The following ABCG5 variants were observed in gnomAD, a reference collection of about 807,000 sequenced individuals.
The protein encoded by ABCG5 is ATP-binding cassette sub-family G member 5.
In ABCG5, 64 loss-of-function variants were observed where a neutral mutation model predicts 64.5. The ratio of observed to expected loss-of-function variants is 0.99; its 90% CI spans 0.81 to 1.22. The LOEUF (loss-of-function observed/expected upper bound fraction) is 1.22, where lower values mean the gene tolerates loss of function less well. Ranked by LOEUF, ABCG5 falls within the 50% of genes most tolerant of loss-of-function variation. ABCG5 has a pLI of 0.00. For synonymous variants in ABCG5, 385 were observed against 326.3 expected (o/e 1.18, Z -1.94); for missense variants, 908 against 829.5 (o/e 1.09, Z -1.16).
chr2:43,811,392 C>G (rs796866027), downstream of ABCG5, among the ~76,000 whole-genome samples: 55 of 152,150 alleles, frequency 3.6e-4, no homozygotes, highest in African/African-American at 1.3e-3. Flanking sequence ...ATGAAATGAT[C>G]TTTCCTATTT....
At chr2:43,835,937 T>A (rs1041740637) in intron 2 of ABCG5, among the ~76,000 whole-genome samples, 5 of 150,972 alleles carry the variant, frequency 3.3e-5, no homozygotes, top group African/African-American at 4.9e-5. Context: ...GTCTGGGAAT[T>A]CCTCTTCTTT....
chr2:43,814,729 A>G (rs540912495), intron 11 of ABCG5, 140 bp from the exon 12 acceptor site: 1 of 592,146 alleles, frequency 1.7e-6, no homozygotes, highest in East Asian at 2.9e-5. Flanking sequence ...CTCACTATAA[A>G]AAAACCTTCA....
At position 43,823,029 on chromosome 2, in the gene ABCG5, G is replaced by T. The variant is rs1667339789; in HGVS notation, c.1325-94C>A. On this transcript the variant is annotated intron_variant, in intron 9 of 12. Transcript: ENST00000405322. ...GCTGAATGTGAGGTCTGTCAGGGCT[G>T]GATGGTGAGGACCAGCTAGGGGGGT... 5 of 1,538,630 alleles carry T rather than the reference G, an allele frequency of 3.2e-6. No individual in the cohort carries two copies. In the Admixed American group the frequency reaches 9.6e-5, roughly 29 times the overall value.
In ABCG5 at chr2:43,838,552, G is replaced by A. The variant is rs1181566629; in HGVS notation, c.128C>T (p.Ala43Val). ...TCTGCCTTACCTGACGCTGTAGGAG[G>A]CATGGAGGATGCCCAGGCTGTGAGG... The part of the protein sequence containing the change: ...PEPHSLGILH[A>V]SYSVSHRVRP... Residue 43 changes from alanine (A) to valine (V), a missense_variant, in exon 1 of 13, where the codon GCC becomes GTC. By Grantham distance (64) the Ala-to-Val change is moderately conservative. Transcript: ENST00000405322. The surrounding 1 kb of genome is among the most constrained non-coding windows in gnomAD (Gnocchi z 4.2). 5.6e-6 allele frequency: 9 copies of A among 1,606,258 alleles called. No homozygotes were observed. In the East Asian group the frequency reaches 1.6e-4, roughly 28 times the overall value.
At position 43,831,847 on chromosome 2, in the gene ABCG5, G is replaced by T; in HGVS notation, c.423C>A (p.Ser141Arg). 2 of 1,583,808 alleles carry T rather than the reference G, an allele frequency of 1.3e-6. No individual in the cohort carries two copies. Among genetic ancestry groups the T allele is most frequent in the East Asian group, 2.3e-5 (1 of 43,904 alleles). Residue 141 changes from serine to arginine, a missense_variant, in exon 4 of 13, where the codon AGC becomes AGA. By Grantham distance (110) the Ser-to-Arg change is moderately radical. Coordinates refer to ENST00000405322, the MANE Select transcript of ABCG5 (RefSeq NM_022436.3). The part of the protein sequence containing the change: ...YVLQSDTLLS[S>R]LTVRETLHYT... ...AGTGCAGCGTCTCGCGCACGGTGAG[G>T]CTGCTCAGCAGGGTGTCGCTCTGCA...
intron 4 of ABCG5, chr2:43,828,533 G>T (rs909146121): frequency 5.4e-6 from 2 of 370,116 alleles, no homozygotes; most frequent in Admixed American, 7.3e-5. Context: ...ATGCTGGCAC[G>T]TGCCTGTAGT....
intron 11 of ABCG5, among the ~76,000 whole-genome samples, chr2:43,817,858 C>T (rs933959862): frequency 2.0e-5 from 3 of 151,870 alleles, no homozygotes; most frequent in Middle Eastern, 3.4e-3. Context: ...TACAGTGAGC[C>T]GAGATCGCGC....
chr2:43,808,375 C>A (rs1666348247), downstream of ABCG5, among the ~76,000 whole-genome samples: 1 of 152,080 alleles, frequency 6.6e-6, no homozygotes, highest in African/African-American at 2.4e-5. Context: ...GTACGCTCTG[C>A]AATTTTTCTG....
chr2:43,811,302 A>G (rs1476858736), downstream of ABCG5, among the ~76,000 whole-genome samples: 1 of 152,244 alleles, frequency 6.6e-6, no homozygotes, highest in East Asian at 1.9e-4. Flanking sequence ...AAAATTGACA[A>G]TACTAGTCTG....
chr2:43,824,218 C>G lies in ABCG5; in HGVS notation c.1118+1G>C. ...ATTTCTCACATTTGTGAGCCTCTTA[C>G]CTCAGGAGAACACCCAGTTTAGAGA... On this transcript the variant is annotated splice_donor_variant, in intron 8 of 12. Transcript: ENST00000405322. LOFTEE classifies it high-confidence loss of function. 1.2e-6 allele frequency: 2 copies of G among 1,614,156 alleles called. No homozygotes were observed. Among genetic ancestry groups the G allele is most frequent in the South Asian group, 1.1e-5 (1 of 91,084 alleles).
downstream of ABCG5, among the ~76,000 whole-genome samples, chr2:43,807,547 C>G (rs1234771703): frequency 6.6e-6 from 1 of 151,838 alleles, no homozygotes; most frequent in Non-Finnish European, 1.5e-5. Flanking sequence ...TCAAGGGATC[C>G]TCCCATCTCA....
At chr2:43,815,176 G>A (rs909543900) in intron 11 of ABCG5, among the ~76,000 whole-genome samples, 4 of 152,174 alleles carry the variant, frequency 2.6e-5, no homozygotes, top group African/African-American at 9.6e-5. Context: ...AGGAGAGACC[G>A]AACCAACATT....
intron 2 of ABCG5, 195 bp from the exon 3 acceptor site, chr2:43,832,278 G>T: frequency 1.5e-6 from 1 of 685,852 alleles, no homozygotes; most frequent in South Asian, 1.8e-5. Context: ...GCAGTCTCAC[G>T]CGCAAGTGAG....
intron 2 of ABCG5, chr2:43,832,602 C>CCGCA (rs1668019979): frequency 5.8e-6 from 1 of 171,648 alleles, no homozygotes; most frequent in Admixed American, 5.4e-5. Flanking sequence ...GAGCCTCAAG[C>CCGCA]CGCACCCAAG....
In ABCG5 at chr2:43,838,171, G is replaced by T. The variant is rs908112201; in HGVS notation, c.144-216C>A. On this transcript the variant is annotated intron_variant, in intron 1 of 12. Coordinates refer to ENST00000405322, the MANE Select transcript of ABCG5 (RefSeq NM_022436.3). The surrounding 1 kb of genome is among the most constrained non-coding windows in gnomAD (Gnocchi z 4.2). ...AGGGGGCCTGTGCTGGAGTTGCTCTGAATGTCCTGTCCGTTTGGCTGCGAG... is the reference window on the plus strand; with the variant it reads ...AGGGGGCCTGTGCTGGAGTTGCTCTTAATGTCCTGTCCGTTTGGCTGCGAG... 27 of 635,328 alleles carry T rather than the reference G, an allele frequency of 4.2e-5. No individual in the cohort carries two copies. The highest frequency in any genetic ancestry group is 6.2e-5 in the Non-Finnish European group (23 of 369,374). The allele number at this position is 635,328 out of a possible 1,614,324, so 39.4% of individuals were successfully genotyped here.
In ABCG5 at chr2:43,812,851, G is replaced by T; in HGVS notation, c.*265C>A. ...TCACACGAGTCTCCCATAGGTTTAT[G>T]AATATTATTTACATTCTTGGGTCCG... On this transcript the variant is annotated 3_prime_UTR_variant, in exon 13 of 13. Transcript: ENST00000405322. 2.1e-6 allele frequency: 1 copy of T among 474,606 alleles called. No individual in the cohort carries two copies. Among genetic ancestry groups the T allele is most frequent in the South Asian group, 2.4e-5 (1 of 42,286 alleles). 29.4% of individuals were successfully genotyped at this position (474,606 alleles called of 1,614,324 possible).
chr2:43,816,915 C>A (rs565523812), intron 11 of ABCG5, among the ~76,000 whole-genome samples: 16 of 152,264 alleles, frequency 1.1e-4, no homozygotes, highest in African/African-American at 3.8e-4. Flanking sequence ...CAAGAACTTG[C>A]ATGATTTTGT....
chr2:43,820,469 TAATGTTA>T lies in ABCG5; in HGVS notation c.1464-376_1464-370del, dbSNP rs569374342. Among the ~76,000 whole-genome samples the T allele has an allele frequency of 1.5e-3, 232 of 152,280 alleles. 3 individuals carry two copies. The highest frequency in any genetic ancestry group is 9.6e-3 in the Admixed American group (147 of 15,292). On this transcript the variant is annotated intron_variant, in intron 10 of 12. Coordinates refer to ENST00000405322, the MANE Select transcript of ABCG5 (RefSeq NM_022436.3). The stretch of plus-strand genomic sequence containing the variant: ...CTGCCTAGCCAACACCACACCTACC[TAATGTTA>T]AAGGGCTCACCCAACCCGCTTCCCA...
intron 2 of ABCG5, among the ~76,000 whole-genome samples, chr2:43,832,956 T>C (rs1280850352): frequency 6.6e-6 from 1 of 151,950 alleles, no homozygotes; most frequent in East Asian, 1.9e-4. Context: ...ATTACAGGCA[T>C]GCACCACTAC....
Sources: allele counts gnomAD v4.1 joint callset (sites outside exome capture counted in the v4.1 genomes callset), GRCh38; gene constraint gnomAD v4.1.1; non-coding constraint Gnocchi (gnomAD v3.1); transcripts MANE v1.5; gene names NCBI Gene and HGNC (gene_info 2026-07-23, HGNC 2026-07-21).